DPYD: variants seen among roughly 807,000 people sequenced by gnomAD.
The protein encoded by DPYD is dihydropyrimidine dehydrogenase.
DPYD carries 109 observed loss-of-function variants against 116.2 expected under a neutral mutation model. The ratio of observed to expected loss-of-function variants is 0.94; its 90% CI spans 0.80 to 1.10. The LOEUF is 1.10. Ranked by LOEUF, DPYD falls within the 50% of genes least tolerant of loss-of-function variation. The probability of loss-of-function intolerance (pLI) is 0.00; values close to 1 mark genes in which losing one functional copy is unlikely to be tolerated. For synonymous variants in DPYD, 440 were observed against 432.0 expected (o/e 1.02, Z -0.23); for missense variants, 1,302 against 1,254.5 (o/e 1.04, Z -0.57).
intron 5 of DPYD, among the ~76,000 whole-genome samples, chr1:97,717,828 G>A (rs962522732): frequency 6.6e-6 from 1 of 151,930 alleles, no homozygotes; most frequent in African/African-American, 2.4e-5. Context: ...GCATGTGTGT[G>A]TGTGTGTGTT....
intron 4 of DPYD, among the ~76,000 whole-genome samples, chr1:97,724,303 GGGGGGTGTGTGT>G (rs1663101377): frequency 6.9e-5 from 1 of 14,468 alleles, no homozygotes; most frequent in African/African-American, 2.8e-4. Context: ...TGGGGGGGGG[GGGGGGTGTGTGT>G]GTGTGTGTGT....
At chr1:97,735,691 T>A (rs1397213349) in intron 4 of DPYD, among the ~76,000 whole-genome samples, 1 of 140,102 alleles carries the variant, frequency 7.1e-6, no homozygotes, top group Non-Finnish European at 1.5e-5. Context: ...CTGTCATAAA[T>A]AAATAAATAA....
chr1:97,153,504 T>G (rs2101724591), intron 20 of DPYD, among the ~76,000 whole-genome samples: 1 of 152,146 alleles, frequency 6.6e-6, no homozygotes, highest in East Asian at 1.9e-4. Flanking sequence ...CAACTCAAGA[T>G]GGATCAAAGA....
At chr1:97,683,424 A>G (rs905714573) in intron 7 of DPYD, among the ~76,000 whole-genome samples, 1 of 151,798 alleles carries the variant, frequency 6.6e-6, no homozygotes, top group Non-Finnish European at 1.5e-5. Context: ...TATTTCATCT[A>G]AAACTACGAA....
chr1:97,363,219 C>A (rs1374228610), intron 16 of DPYD, among the ~76,000 whole-genome samples: 3 of 152,194 alleles, frequency 2.0e-5, no homozygotes, highest in Non-Finnish European at 4.4e-5. Context: ...CATCACTGGT[C>A]ATCAGAGAAA....
At chr1:97,323,602 GTATA>G (rs1480192270) in intron 16 of DPYD, among the ~76,000 whole-genome samples, 1 of 76,006 alleles carries the variant, frequency 1.3e-5, no homozygotes, top group African/African-American at 4.4e-5. Flanking sequence ...ACATATATGT[GTATA>G]TATACACGTA....
At chr1:97,902,576 A>C (rs1439668547) in intron 1 of DPYD, among the ~76,000 whole-genome samples, 2 of 151,792 alleles carry the variant, frequency 1.3e-5, no homozygotes, top group Non-Finnish European at 2.9e-5. Flanking sequence ...AATGTTATTC[A>C]TCTCAAAGAT....
rs1677297376 is a variant in DPYD at position 97,465,928 on chromosome 1, G to T, written c.1741-15705C>A. Reference sequence around the variant, plus strand: ...AGTTCAAGACCAGCCTGGACAATGTGGGGAAACCTTGTCTCTACAAAAATT... The same window carrying T: ...AGTTCAAGACCAGCCTGGACAATGTTGGGAAACCTTGTCTCTACAAAAATT... On this transcript the variant is annotated intron_variant, in intron 13 of 22. Transcript: ENST00000370192. Among the ~76,000 whole-genome samples, 3 of 152,084 alleles carry T rather than the reference G, an allele frequency of 2.0e-5. No individual in the cohort carries two copies. The South Asian group carries it at 6.2e-4, about 32-fold the overall frequency.
At chr1:97,841,779 T>C (rs572403382) in intron 2 of DPYD, among the ~76,000 whole-genome samples, 15 of 152,004 alleles carry the variant, frequency 9.9e-5, no homozygotes, top group Non-Finnish European at 2.2e-4. Context: ...TGAGCAAATC[T>C]TATAGGAATC....
intron 11 of DPYD, among the ~76,000 whole-genome samples, chr1:97,554,258 T>C (rs749431023): frequency 3.9e-5 from 6 of 152,086 alleles, no homozygotes; most frequent in Non-Finnish European, 8.8e-5. Context: ...CCCACAAGCA[T>C]ATGACAAGTA....
intron 2 of DPYD, among the ~76,000 whole-genome samples, chr1:97,865,660 C>T (rs573360091): frequency 6.6e-5 from 10 of 151,816 alleles, no homozygotes; most frequent in African/African-American, 1.9e-4. Flanking sequence ...CTCAAATGAG[C>T]GTAAAGATCA....
At chr1:97,317,022 T>C (rs1481020178) in intron 16 of DPYD, among the ~76,000 whole-genome samples, 1 of 152,080 alleles carries the variant, frequency 6.6e-6, no homozygotes. Context: ...GAGCCATACA[T>C]TGGCCATATT....
intron 5 of DPYD, among the ~76,000 whole-genome samples, chr1:97,707,722 C>A (rs1487405281): frequency 2.0e-5 from 3 of 151,580 alleles, no homozygotes; most frequent in Non-Finnish European, 4.4e-5. Context: ...TAGTGGTATC[C>A]CGTTGTTGTT....
At chr1:97,653,568 G>C (rs577521716) in intron 8 of DPYD, among the ~76,000 whole-genome samples, 2 of 152,100 alleles carry the variant, frequency 1.3e-5, no homozygotes, top group Non-Finnish European at 2.9e-5. Context: ...CTCCCAAAGT[G>C]CTGGGATTAC....
chr1:97,912,568 G>T (rs1674003613), intron 1 of DPYD, among the ~76,000 whole-genome samples: 1 of 152,116 alleles, frequency 6.6e-6, no homozygotes, highest in Non-Finnish European at 1.5e-5. Flanking sequence ...TGAGTGGGAT[G>T]ACTATGTATC....
At position 97,699,454 on chromosome 1, in the gene DPYD, A is replaced by C; in HGVS notation, c.577T>G (p.Phe193Val). Residue 193 changes from phenylalanine (F) to valine (V), a missense_variant, in exon 6 of 23, where the codon TTT (phenylalanine) becomes GTT (valine). Phe to Val is a conservative substitution (Grantham distance 50). Transcript: ENST00000370192. ...SEAYSAKIAL[F>V]GAGPASISCA... Reference sequence around the variant, plus strand: ...CTTATACTTGCAGGCCCAGCACCAAAAAGAGCAATCTTTGCAGAATAGGCT... The same window carrying C: ...CTTATACTTGCAGGCCCAGCACCAACAAGAGCAATCTTTGCAGAATAGGCT... 2 of 1,613,680 alleles carry C rather than the reference A, an allele frequency of 1.2e-6. No homozygotes were observed. The highest frequency in any genetic ancestry group is 1.1e-5 in the South Asian group (1 of 91,058).
At chr1:97,291,591 A>C (rs1666176950) in intron 18 of DPYD, among the ~76,000 whole-genome samples, 1 of 152,208 alleles carries the variant, frequency 6.6e-6, no homozygotes, top group Non-Finnish European at 1.5e-5. Context: ...GCAAGGACAA[A>C]AAACCAAACA....
chr1:97,102,407 ATATATATATATATG>A (rs908850511), intron 20 of DPYD, among the ~76,000 whole-genome samples: 3 of 141,448 alleles, frequency 2.1e-5, no homozygotes, highest in African/African-American at 7.7e-5. Flanking sequence ...ATATATATAT[ATATATATATATATG>A]TATATATGTA....
At chr1:97,229,349 C>G (rs1031987042) in intron 19 of DPYD, among the ~76,000 whole-genome samples, 15 of 148,418 alleles carry the variant, frequency 1.0e-4, no homozygotes, top group Non-Finnish European at 2.1e-4. Context: ...TGCAGAGTTA[C>G]ATTAATTTCT....
Sources: gnomAD v4.1 joint callset for allele counts (sites outside exome capture counted in the v4.1 genomes callset) on GRCh38, gnomAD v4.1.1 for gene constraint, MANE v1.5 for transcripts, NCBI Gene and HGNC (gene_info 2026-07-23, HGNC 2026-07-21) for gene names.